Variants in CADM2 observed in about 807,000 individuals in gnomAD.
CADM2 encodes the protein immunoglobulin superfamily member 4D.
CADM2 carries 12 observed loss-of-function variants against 49.8 expected under a neutral mutation model. That is an observed-to-expected ratio of 0.24 (90% confidence interval 0.15 to 0.39). The LOEUF (loss-of-function observed/expected upper bound fraction) is 0.39, where lower values mean the gene tolerates loss of function less well. Ranked by LOEUF, CADM2 falls within the 10% of genes least tolerant of loss-of-function variation. The probability of loss-of-function intolerance (pLI) is 1.00; values close to 1 mark genes in which losing one functional copy is unlikely to be tolerated. For missense variants in CADM2, 378 were observed against 492.3 expected (o/e 0.77, Z 2.20); for synonymous variants, 214 against 175.4 (o/e 1.22, Z -1.74).
intron 1 of CADM2, among the ~76,000 whole-genome samples, chr3:85,081,781 T>C (rs971886341): frequency 6.6e-6 from 1 of 152,140 alleles, no homozygotes; most frequent in South Asian, 2.1e-4. Flanking sequence ...ACGTGGGATA[T>C]TACAAAAGAG....
chr3:85,094,344 C>T (rs1314717695), intron 1 of CADM2, among the ~76,000 whole-genome samples: 1 of 152,082 alleles, frequency 6.6e-6, no homozygotes, highest in Non-Finnish European at 1.5e-5. Flanking sequence ...CTAATATTGT[C>T]CTTTCACGAC....
chr3:85,358,194 C>G (rs140346361), intron 1 of CADM2, among the ~76,000 whole-genome samples: 6 of 152,182 alleles, frequency 3.9e-5, no homozygotes, highest in African/African-American at 1.4e-4. Flanking sequence ...CCAGTAGCAT[C>G]TTGTCCCCCA....
chr3:85,203,584 C>G (rs1299472560), intron 1 of CADM2, among the ~76,000 whole-genome samples: 2 of 151,858 alleles, frequency 1.3e-5, no homozygotes, highest in South Asian at 2.1e-4. Flanking sequence ...GAAAAAATAC[C>G]GAATTGGGAC....
At position 85,125,405 on chromosome 3, in the gene CADM2, G is replaced by C. The variant is rs374474080; in HGVS notation, c.61+165737G>C. Among the ~76,000 whole-genome samples, 16 of 151,356 alleles carry C rather than the reference G, an allele frequency of 1.1e-4. No homozygotes were observed. In the East Asian group the frequency reaches 3.1e-3, roughly 29 times the overall value. ...TTTTTTTGAGACAGGGTCTTAGTCTGTTGCCCAGGCAGTGACACGATCACT... is the reference window on the plus strand; with the variant it reads ...TTTTTTTGAGACAGGGTCTTAGTCTCTTGCCCAGGCAGTGACACGATCACT... On this transcript the variant is annotated intron_variant, in intron 1 of 9. Coordinates refer to ENST00000383699, the MANE Select transcript of CADM2 (RefSeq NM_001167675.2).
chr3:84,983,871 T>C (rs934518908), intron 1 of CADM2, among the ~76,000 whole-genome samples: 2 of 152,138 alleles, frequency 1.3e-5, no homozygotes, highest in Admixed American at 6.6e-5. Context: ...AGCTGCATGA[T>C]GATGAACTGG....
chr3:85,863,003 T>C (rs1008441354), intron 3 of CADM2, among the ~76,000 whole-genome samples: 1 of 152,160 alleles, frequency 6.6e-6, no homozygotes, highest in African/African-American at 2.4e-5. Flanking sequence ...GCTTCAGACA[T>C]GCTAATTCTG....
intron 8 of CADM2, among the ~76,000 whole-genome samples, chr3:86,038,698 T>C (rs1735472669): frequency 6.6e-6 from 1 of 152,226 alleles, no homozygotes; most frequent in Admixed American, 6.5e-5. Flanking sequence ...GTGAACCCTT[T>C]ATATAAGTAA....
chr3:85,536,225 A>G (rs539128861), intron 1 of CADM2, among the ~76,000 whole-genome samples: 1 of 152,184 alleles, frequency 6.6e-6, no homozygotes, highest in African/African-American at 2.4e-5. Context: ...AAAATAAAAG[A>G]TATTCAAAGC....
chr3:85,321,817 AT>A (rs1453356671), intron 1 of CADM2, among the ~76,000 whole-genome samples: 9 of 152,192 alleles, frequency 5.9e-5, no homozygotes, highest in Non-Finnish European at 1.0e-4. Flanking sequence ...AACATCTTTA[AT>A]TTTAGACCTC....
At chr3:85,893,916 A>G (rs1219340065) in intron 5 of CADM2, among the ~76,000 whole-genome samples, 2 of 152,224 alleles carry the variant, frequency 1.3e-5, no homozygotes, top group African/African-American at 4.8e-5. Flanking sequence ...AAACGAATTC[A>G]ACCGTTGTGG....
intron 1 of CADM2, among the ~76,000 whole-genome samples, chr3:85,234,171 A>C (rs986567422): frequency 1.3e-5 from 2 of 152,218 alleles, no homozygotes; most frequent in African/African-American, 4.8e-5. Flanking sequence ...AACTTTGATT[A>C]TAGATCCTCT....
chr3:85,389,544 T>C (rs1220861814), intron 1 of CADM2, among the ~76,000 whole-genome samples: 3 of 152,130 alleles, frequency 2.0e-5, no homozygotes, highest in East Asian at 3.8e-4. Flanking sequence ...ATTTGATATA[T>C]ACCATATAAT....
In CADM2 at chr3:86,011,619, T is replaced by C. The variant is rs568391158; in HGVS notation, c.970+49972T>C. ...GAAGAGTCAGAAAAAGGAAGAGCAA[T>C]AGTAACAGGGTCCTAAATTTTAGAA... On this transcript the variant is annotated intron_variant, in intron 8 of 9. Coordinates refer to ENST00000383699, the MANE Select transcript of CADM2 (RefSeq NM_001167675.2). Among the ~76,000 whole-genome samples, 221 of 152,084 alleles carry C rather than the reference T, an allele frequency of 1.5e-3. 4 individuals carry two copies. In the South Asian group the frequency reaches 0.022, roughly 15 times the overall value.
intron 7 of CADM2, among the ~76,000 whole-genome samples, chr3:85,942,849 C>A (rs558342052): frequency 3.3e-5 from 5 of 151,998 alleles, no homozygotes; most frequent in African/African-American, 9.7e-5. Context: ...GGTATATACC[C>A]AGTAATGGGA....
At chr3:85,846,886 A>AT (rs2074906450) in intron 3 of CADM2, among the ~76,000 whole-genome samples, 1 of 152,006 alleles carries the variant, frequency 6.6e-6, no homozygotes. Flanking sequence ...AAAATATAAG[A>AT]TTTTGCGTCT....
intron 6 of CADM2, among the ~76,000 whole-genome samples, chr3:85,918,401 A>G (rs558314932): frequency 6.6e-6 from 1 of 152,170 alleles, no homozygotes; most frequent in Non-Finnish European, 1.5e-5. Context: ...TTCAGCATCT[A>G]TTGAGATAAT....
chr3:85,674,198 C>T (rs1053391248), intron 1 of CADM2, among the ~76,000 whole-genome samples: 12 of 151,986 alleles, frequency 7.9e-5, no homozygotes, highest in Admixed American at 4.6e-4. Context: ...TACATGTAAA[C>T]GCACATATAA....
intron 6 of CADM2, among the ~76,000 whole-genome samples, chr3:85,912,867 CTG>C (rs1491428453): frequency 6.6e-6 from 1 of 152,068 alleles, no homozygotes; most frequent in African/African-American, 2.4e-5. Flanking sequence ...AATCGGTAAT[CTG>C]AGAGGGCCTT....
chr3:85,905,015 A>G (rs1252544405), intron 5 of CADM2, among the ~76,000 whole-genome samples: 1 of 152,098 alleles, frequency 6.6e-6, no homozygotes, highest in African/African-American at 2.4e-5. Context: ...ATATGGAAAA[A>G]TGTTTATGAA....
Sources: gnomAD v4.1 joint callset for allele counts (sites outside exome capture counted in the v4.1 genomes callset) on GRCh38, gnomAD v4.1.1 for gene constraint, MANE v1.5 for transcripts, NCBI Gene and HGNC (gene_info 2026-07-23, HGNC 2026-07-21) for gene names.